CNTN3: variants seen among roughly 807,000 people sequenced by gnomAD.
CNTN3 encodes the protein contactin 3, also known as contactin-3.
In CNTN3, 60 loss-of-function variants were observed where a neutral mutation model predicts 119.1. The observed-to-expected ratio is 0.50, with a 90% confidence interval of 0.41 to 0.62. CNTN3 has a LOEUF of 0.62. Ranked by LOEUF, CNTN3 falls within the 20% of genes least tolerant of loss-of-function variation. The probability of loss-of-function intolerance (pLI) is 0.00; values close to 1 mark genes in which losing one functional copy is unlikely to be tolerated. For synonymous variants in CNTN3, 450 were observed against 438.7 expected (o/e 1.03, Z -0.32); for missense variants, 1,101 against 1,242.4 (o/e 0.89, Z 1.71).
intron 1 of CNTN3, among the ~76,000 whole-genome samples, chr3:74,574,261 T>A (rs534135368): frequency 6.6e-6 from 1 of 152,172 alleles, no homozygotes; most frequent in East Asian, 1.9e-4. Flanking sequence ...AAACAGAAGG[T>A]AGATTAGTAC....
intron 4 of CNTN3, among the ~76,000 whole-genome samples, chr3:74,456,347 C>G (rs993220334): frequency 1.5e-4 from 23 of 152,146 alleles, no homozygotes; most frequent in African/African-American, 5.5e-4. Flanking sequence ...GCATCTGACT[C>G]CAAATTTATT....
chr3:74,573,086 A>C (rs1283838924), intron 1 of CNTN3, among the ~76,000 whole-genome samples: 1 of 152,188 alleles, frequency 6.6e-6, no homozygotes, highest in African/African-American at 2.4e-5. Flanking sequence ...CCCTGCCTAA[A>C]TGCCTGCAGC....
chr3:74,284,960 C>A (rs1702080567), intron 20 of CNTN3, among the ~76,000 whole-genome samples: 1 of 152,156 alleles, frequency 6.6e-6, no homozygotes, highest in African/African-American at 2.4e-5. Context: ...TTAACTTATT[C>A]ATGCTTATCA....
At chr3:74,573,507 A>T (rs1026415285) in intron 1 of CNTN3, among the ~76,000 whole-genome samples, 1 of 152,174 alleles carries the variant, frequency 6.6e-6, no homozygotes, top group African/African-American at 2.4e-5. Context: ...TGAAAAGACA[A>T]CTCAGAGAAT....
At chr3:74,408,053 TC>T (rs1298049664) in intron 5 of CNTN3, among the ~76,000 whole-genome samples, 1 of 152,128 alleles carries the variant, frequency 6.6e-6, no homozygotes, top group Non-Finnish European at 1.5e-5. Context: ...GCCCAGACAA[TC>T]ATTGGCTTTC....
chr3:74,574,111 G>T lies in CNTN3; in HGVS notation c.-81+40280C>A, dbSNP rs531419792. Among the ~76,000 whole-genome samples, 100 of 152,270 alleles carry T rather than the reference G, an allele frequency of 6.6e-4. 2 individuals are homozygous for T. The highest frequency in any genetic ancestry group is 6.8e-3 in the Middle Eastern group (2 of 294). Reference sequence around the variant, plus strand: ...TATGAATAAAATGGAATATTATTCAGCCATAAAAAGGAATAAACTATTGAT... The same window carrying T: ...TATGAATAAAATGGAATATTATTCATCCATAAAAAGGAATAAACTATTGAT... On this transcript the variant is annotated intron_variant, in intron 1 of 22. Transcript: ENST00000263665.
chr3:74,589,244 T>A (rs1334080818), intron 1 of CNTN3, among the ~76,000 whole-genome samples: 1 of 151,928 alleles, frequency 6.6e-6, no homozygotes, highest in Non-Finnish European at 1.5e-5. Context: ...TACAATGAAC[T>A]CAAACCAATT....
chr3:74,540,906 G>T (rs972079810), intron 1 of CNTN3, among the ~76,000 whole-genome samples: 1 of 152,214 alleles, frequency 6.6e-6, no homozygotes, highest in African/African-American at 2.4e-5. Flanking sequence ...GCAATCATAA[G>T]AGTGCTATGT....
intron 4 of CNTN3, among the ~76,000 whole-genome samples, chr3:74,450,953 G>A (rs1702142213): frequency 6.6e-6 from 1 of 151,982 alleles, no homozygotes; most frequent in Admixed American, 6.6e-5. Flanking sequence ...TTGCTACTGT[G>A]AATAGTGCTG....
chr3:74,425,837 G>A (rs1701686983), intron 4 of CNTN3, among the ~76,000 whole-genome samples: 1 of 151,760 alleles, frequency 6.6e-6, no homozygotes, highest in African/African-American at 2.4e-5. Flanking sequence ...TATTCTGAAG[G>A]GCTTTGTGGA....
chr3:74,417,326 A>G (rs961333561), intron 5 of CNTN3, among the ~76,000 whole-genome samples: 2 of 152,186 alleles, frequency 1.3e-5, no homozygotes, highest in African/African-American at 4.8e-5. Context: ...TTCGGGCAGT[A>G]TTCGACAAGT....
At chr3:74,483,378 A>G (rs1702796871) in intron 4 of CNTN3, among the ~76,000 whole-genome samples, 1 of 152,078 alleles carries the variant, frequency 6.6e-6, no homozygotes, top group African/African-American at 2.4e-5. Flanking sequence ...AACAAAGAAA[A>G]TGAATAATTT....
intron 5 of CNTN3, among the ~76,000 whole-genome samples, chr3:74,403,074 T>C (rs1705237361): frequency 6.6e-6 from 1 of 152,140 alleles, no homozygotes; most frequent in Non-Finnish European, 1.5e-5. Flanking sequence ...TAGACCTGAC[T>C]TTACCTGTGA....
At chr3:74,371,908 C>T (rs1203542682) in intron 5 of CNTN3, among the ~76,000 whole-genome samples, 1 of 152,078 alleles carries the variant, frequency 6.6e-6, no homozygotes, top group African/African-American at 2.4e-5. Context: ...CGTGCTGCTT[C>T]TGGGGCCTAC....
intron 11 of CNTN3, among the ~76,000 whole-genome samples, chr3:74,338,625 T>A (rs1394612091): frequency 6.6e-6 from 1 of 152,130 alleles, no homozygotes; most frequent in African/African-American, 2.4e-5. Flanking sequence ...CACTTTCATT[T>A]GCATCCTGGT....
At chr3:74,379,813 C>T (rs997653601) in intron 5 of CNTN3, among the ~76,000 whole-genome samples, 8 of 152,152 alleles carry the variant, frequency 5.3e-5, no homozygotes, top group Admixed American at 5.2e-4. Context: ...GGACTAGCAA[C>T]AGCATTGGCA....
chr3:74,314,221 C>A (rs495034), intron 13 of CNTN3, among the ~76,000 whole-genome samples: 11,524 of 152,062 alleles, frequency 0.076, 519 homozygotes, highest in East Asian at 0.18. Flanking sequence ...CCACAAATGG[C>A]AGCAAGTGAG....
intron 1 of CNTN3, among the ~76,000 whole-genome samples, chr3:74,606,914 C>T (rs1705001841): frequency 6.6e-6 from 1 of 152,088 alleles, no homozygotes. Context: ...CAGCGCAATA[C>T]ATTACTACTA....
intron 19 of CNTN3, among the ~76,000 whole-genome samples, chr3:74,294,341 T>C (rs2106801036): frequency 6.6e-6 from 1 of 152,296 alleles, no homozygotes; most frequent in East Asian, 1.9e-4. Context: ...CAAATGGTTC[T>C]TCTTAGCCTT....
Sources: allele counts gnomAD v4.1 joint callset (sites outside exome capture counted in the v4.1 genomes callset), GRCh38; gene constraint gnomAD v4.1.1; transcripts MANE v1.5; gene names NCBI Gene and HGNC (gene_info 2026-07-23, HGNC 2026-07-21).